Variants in SPTSSA observed in about 807,000 individuals in gnomAD.
SPTSSA encodes serine palmitoyltransferase small subunit A, also known as small subunit of serine palmitoyltransferase A.
In SPTSSA, 8 loss-of-function variants were observed where a neutral mutation model predicts 9.1. That is an observed-to-expected ratio of 0.88 (90% CI 0.51 to 1.58). The LOEUF (loss-of-function observed/expected upper bound fraction) is 1.58, where lower values mean the gene tolerates loss of function less well. Among genes scored for constraint, SPTSSA ranks in the 40% most tolerant of loss-of-function variants. The pLI, the probability that SPTSSA is intolerant of heterozygous loss-of-function variation, is 0.00. For missense variants in SPTSSA, 100 were observed against 93.8 expected, an observed-to-expected ratio of 1.07 and a Z score of -0.27; for synonymous variants, 42 against 37.7, an observed-to-expected ratio of 1.11 and a Z score of -0.41.
chr14:34,447,373 AAC>A lies in SPTSSA; in HGVS notation c.113-12071_113-12070del, dbSNP rs1473152037. On this transcript the variant is annotated intron_variant, in intron 1 of 1. Transcript: ENST00000298130. Reference sequence around the variant, plus strand: ...TCCGAACTCTTGGTATTATCCTCCCAACAGTCATAATAATCGTCTCCCTGGAG... The same window carrying A: ...TCCGAACTCTTGGTATTATCCTCCCAAGTCATAATAATCGTCTCCCTGGAG... Among the ~76,000 whole-genome samples the A allele has an allele frequency of 5.4e-3, 826 of 152,142 alleles. 5 individuals are homozygous for A. Among genetic ancestry groups the A allele is most frequent in the African/African-American group, 0.018 (766 of 41,514 alleles).
chr14:34,451,717 CA>C (rs35096900), intron 1 of SPTSSA, among the ~76,000 whole-genome samples: 3,840 of 77,200 alleles, frequency 0.05, 35 homozygotes, highest in African/African-American at 0.098. Flanking sequence ...GACTCTGTTT[CA>C]AAAAAAAAAA....
chr14:34,453,963 T>G (rs1883569009), intron 1 of SPTSSA, among the ~76,000 whole-genome samples: 1 of 151,938 alleles, frequency 6.6e-6, no homozygotes, highest in Non-Finnish European at 1.5e-5. Flanking sequence ...GAGGACTGCT[T>G]GAGGCCAGGA....
intron 1 of SPTSSA, among the ~76,000 whole-genome samples, chr14:34,459,568 G>A (rs1878573174): frequency 6.6e-6 from 1 of 151,824 alleles, no homozygotes; most frequent in South Asian, 2.1e-4. Context: ...ATCACTTGAG[G>A]TCAGGAGTTC....
At chr14:34,447,945 C>A (rs1818761260) in intron 1 of SPTSSA, among the ~76,000 whole-genome samples, 2 of 152,148 alleles carry the variant, frequency 1.3e-5, no homozygotes, top group South Asian at 4.1e-4. Flanking sequence ...GAAGACACCA[C>A]CCCTGGCCAT....
At chr14:34,447,793 T>G (rs944825674) in intron 1 of SPTSSA, among the ~76,000 whole-genome samples, 1 of 152,204 alleles carries the variant, frequency 6.6e-6, no homozygotes, top group Admixed American at 6.5e-5. Context: ...CTTCTGCAAA[T>G]CTCTGTAACA....
rs1025511116 is a variant in SPTSSA, at chr14:34,433,268, C to T, written c.*1933G>A. The T allele has an allele frequency of 6.6e-6, 1 of 152,072 alleles. No individual in the cohort carries two copies. Among genetic ancestry groups the T allele is most frequent in the Non-Finnish European group, 1.5e-5 (1 of 68,012 alleles). 9.4% of individuals were successfully genotyped at this position (152,072 alleles called of 1,614,324 possible). Reference sequence around the variant, plus strand: ...TGAATCTCAGAGTGAAGACAAATTGCCGGTTTCTGAGTAGAGGGCCAGGAT... The same window carrying T: ...TGAATCTCAGAGTGAAGACAAATTGTCGGTTTCTGAGTAGAGGGCCAGGAT... On this transcript the variant is annotated 3_prime_UTR_variant, in exon 2 of 2. Transcript: ENST00000298130.
intron 1 of SPTSSA, among the ~76,000 whole-genome samples, chr14:34,448,198 G>A (rs1184428330): frequency 1.3e-5 from 2 of 152,080 alleles, no homozygotes; most frequent in South Asian, 4.1e-4. Flanking sequence ...GGAGGTTGCA[G>A]TGAGCCAAGA....
At chr14:34,451,723 A>C (rs899878647) in intron 1 of SPTSSA, among the ~76,000 whole-genome samples, 11 of 143,502 alleles carry the variant, frequency 7.7e-5, no homozygotes, top group Admixed American at 2.0e-4. Context: ...GTTTCAAAAA[A>C]AAAAAAAAAA....
At chr14:34,449,500 TC>T (rs1257126210) in intron 1 of SPTSSA, among the ~76,000 whole-genome samples, 7 of 133,642 alleles carry the variant, frequency 5.2e-5, no homozygotes, top group African/African-American at 1.6e-4. Flanking sequence ...GCACCCGGCC[TC>T]CCTTTTTTTT....
intron 1 of SPTSSA, among the ~76,000 whole-genome samples, chr14:34,445,289 G>T (rs938971577): frequency 6.6e-6 from 1 of 152,030 alleles, no homozygotes; most frequent in Non-Finnish European, 1.5e-5. Context: ...GATCACCTGA[G>T]GTCAGGAGTT....
chr14:34,457,964 T>G (rs1315056500), intron 1 of SPTSSA, among the ~76,000 whole-genome samples: 3 of 114,394 alleles, frequency 2.6e-5, no homozygotes, highest in African/African-American at 1.2e-4. Context: ...AGAGCAAGAC[T>G]GTCTCGGAAA....
chr14:34,451,547 C>A (rs545552742), intron 1 of SPTSSA, among the ~76,000 whole-genome samples: 11 of 151,954 alleles, frequency 7.2e-5, no homozygotes, highest in African/African-American at 2.7e-4. Context: ...CACGGTGAAA[C>A]CCCGTCTCTA....
At chr14:34,459,967 C>T (rs1213684203) in intron 1 of SPTSSA, among the ~76,000 whole-genome samples, 1 of 152,144 alleles carries the variant, frequency 6.6e-6, no homozygotes, top group African/African-American at 2.4e-5. Context: ...AAGCCTGTAG[C>T]TGGCCACAGA....
At chr14:34,449,377 T>C (rs1436987269) in intron 1 of SPTSSA, among the ~76,000 whole-genome samples, 1 of 151,930 alleles carries the variant, frequency 6.6e-6, no homozygotes, top group Middle Eastern at 3.2e-3. Flanking sequence ...CCTGGATGAC[T>C]GAGTGATACC....
Position 34,462,077 on chromosome 14 carries a change from C to G in SPTSSA, c.112+19G>C. ...GCGCCCCCAGCCCGGCCCCCGCGCG[C>G]GCGGCCGGGACAGGATACTGAACAC... On this transcript the variant is annotated intron_variant, in intron 1 of 1. Transcript: ENST00000298130. 1 of 1,371,456 alleles carries G rather than the reference C, an allele frequency of 7.3e-7. No individual in the cohort carries two copies. The highest frequency in any genetic ancestry group is 9.5e-7 in the Non-Finnish European group (1 of 1,049,670). 85.0% of individuals were successfully genotyped at this position (1,371,456 alleles called of 1,614,324 possible). A position where few individuals can be genotyped will look rare whatever the true frequency, so the allele number is the denominator to read the frequency against.
At chr14:34,442,957 T>G (rs1041087991) in intron 1 of SPTSSA, among the ~76,000 whole-genome samples, 64 of 135,452 alleles carry the variant, frequency 4.7e-4, no homozygotes, top group Non-Finnish European at 7.1e-4. Flanking sequence ...TCTAGGGGGG[T>G]GTGTGTGTGT....
rs112532950 is a variant in SPTSSA, at chr14:34,446,265, T to C, written c.113-10961A>G. 4.6e-3 allele frequency among the ~76,000 whole-genome samples: 696 copies of C among 152,290 alleles called. 10 individuals carry two copies. The highest frequency in any genetic ancestry group is 0.014 in the African/African-American group (570 of 41,556). ...TCTGGAACTGCATCCATTGGAACCT[T>C]TGAGATAAAGCCAACCAGGGAAATT... On this transcript the variant is annotated intron_variant, in intron 1 of 1. Transcript: ENST00000298130.
intron 1 of SPTSSA, among the ~76,000 whole-genome samples, chr14:34,441,343 C>T (rs1360774241): frequency 1.3e-5 from 2 of 152,194 alleles, no homozygotes; most frequent in Non-Finnish European, 2.9e-5. Context: ...CATCTACATA[C>T]GGCATACCCC....
chr14:34,435,118 T>C lies in SPTSSA; in HGVS notation c.*83A>G, dbSNP rs1255048248. The C allele has an allele frequency of 2.9e-6, 3 of 1,049,436 alleles. No homozygotes were observed. Among genetic ancestry groups the C allele is most frequent in the Non-Finnish European group, 4.2e-6 (3 of 707,504 alleles). The allele number at this position is 1,049,436 out of a possible 1,614,324, so 65.0% of individuals were successfully genotyped here. A position where few individuals can be genotyped will look rare whatever the true frequency, so the allele number is the denominator to read the frequency against. ...TTGGTTATGTTGACATCTAGAAGAGTTTCTTATCACATCTGATGGTCTCAT... is the reference window on the plus strand; with the variant it reads ...TTGGTTATGTTGACATCTAGAAGAGCTTCTTATCACATCTGATGGTCTCAT... On this transcript the variant is annotated 3_prime_UTR_variant, in exon 2 of 2. Coordinates refer to ENST00000298130, the MANE Select transcript of SPTSSA (RefSeq NM_138288.4).
Sources: allele counts gnomAD v4.1 joint callset (sites outside exome capture counted in the v4.1 genomes callset), GRCh38; gene constraint gnomAD v4.1.1; transcripts MANE v1.5; gene names NCBI Gene and HGNC (gene_info 2026-07-23, HGNC 2026-07-21).